Variants in FAR1 observed in about 807,000 individuals in gnomAD.
The protein encoded by FAR1 is fatty acyl-CoA reductase 1.
In FAR1, 22 loss-of-function variants were observed where a neutral mutation model predicts 61.1. The observed-to-expected ratio is 0.36, with a 90% confidence interval of 0.26 to 0.51. The LOEUF (loss-of-function observed/expected upper bound fraction) is 0.51. Ranked by LOEUF, FAR1 falls within the 20% of genes least tolerant of loss-of-function variation. The pLI, the probability that FAR1 is intolerant of heterozygous loss-of-function variation, is 0.95. For missense variants in FAR1, 359 were observed against 626.9 expected, an observed-to-expected ratio of 0.57 and a Z score of 4.56; for synonymous variants, 206 against 209.7, an observed-to-expected ratio of 0.98 and a Z score of 0.15.
At chr11:13,711,704 T>A in intron 5 of FAR1, 60 bp from the exon 6 acceptor site, 2 of 1,286,466 alleles carry the variant, frequency 1.6e-6, no homozygotes, top group Non-Finnish European at 2.2e-6. Flanking sequence ...GTTCAAATAA[T>A]AAATCTCTAG....
rs569026208 is a variant in FAR1, at chr11:13,728,888, A to C, written c.*114A>C. 9.7e-6 allele frequency: 9 copies of C among 931,490 alleles called. No individual in the cohort carries two copies. The South Asian group carries it at 1.6e-4, about 16-fold the overall frequency. 57.7% of individuals were successfully genotyped at this position (931,490 alleles called of 1,614,324 possible). A position where few individuals can be genotyped will look rare whatever the true frequency, so the allele number is the denominator to read the frequency against. ...AAGACATTAAACCATCTTAGATCGG[A>C]GTGTGAAGTAAATTATGGTATATTT... On this transcript the variant is annotated 3_prime_UTR_variant, in exon 12 of 12. Coordinates refer to ENST00000354817, the MANE Select transcript of FAR1 (RefSeq NM_032228.6).
intron 2 of FAR1, among the ~76,000 whole-genome samples, chr11:13,699,554 A>C (rs1404193629): frequency 2.0e-5 from 3 of 152,176 alleles, no homozygotes; most frequent in Non-Finnish European, 2.9e-5. Flanking sequence ...TGGAGAGTCA[A>C]AGTGTGATAG....
chr11:13,708,314 C>T (rs1037640722), intron 4 of FAR1, among the ~76,000 whole-genome samples: 2 of 151,488 alleles, frequency 1.3e-5, no homozygotes, highest in Non-Finnish European at 2.9e-5. Context: ...GCCGAGATGG[C>T]GCCACTGCAC....
chr11:13,722,094 G>A (rs941835105), intron 10 of FAR1, among the ~76,000 whole-genome samples: 1 of 152,112 alleles, frequency 6.6e-6, no homozygotes, highest in Non-Finnish European at 1.5e-5. Context: ...TGATTGAAAT[G>A]TTGATTCTTT....
chr11:13,728,061 G>A (rs577221323), intron 11 of FAR1, among the ~76,000 whole-genome samples: 12 of 151,744 alleles, frequency 7.9e-5, no homozygotes, highest in Admixed American at 3.3e-4. Flanking sequence ...TTACATTGCC[G>A]TCCTATCTTG....
Position 13,728,766 on chromosome 11 carries a change from A to T in FAR1, c.1540A>T (p.Arg514Ter). 1 of 1,610,980 alleles carries T rather than the reference A, an allele frequency of 6.2e-7. No homozygotes were observed. The highest frequency in any genetic ancestry group is 8.5e-7 in the Non-Finnish European group (1 of 1,177,858). The change falls in exon 12 of 12, where the codon AGA becomes TGA. Residue 514 changes from arginine to a stop codon, truncating the protein, a stop_gained. Coordinates refer to ENST00000354817, the MANE Select transcript of FAR1 (RefSeq NM_032228.6). LOFTEE classifies it high-confidence loss of function. Reference sequence around the variant, plus strand: ...ATACTTCCGAGCATCCAGCACTATGAGATACTGAAGACCAAGGATTCAGCA... The same window carrying T: ...ATACTTCCGAGCATCCAGCACTATGTGATACTGAAGACCAAGGATTCAGCA... ...LSYFRASSTMRY is the reference protein window; with the variant it reads ...LSYFRASSTM
chr11:13,715,289 G>C (rs1848543634), intron 9 of FAR1, among the ~76,000 whole-genome samples: 1 of 152,140 alleles, frequency 6.6e-6, no homozygotes, highest in East Asian at 1.9e-4. Context: ...ACATTTCTTA[G>C]AATTTGGAGA....
At chr11:13,709,299 T>G (rs1041342605) in intron 4 of FAR1, among the ~76,000 whole-genome samples, 1 of 152,174 alleles carries the variant, frequency 6.6e-6, no homozygotes, top group African/African-American at 2.4e-5. Flanking sequence ...AATTCCCTAA[T>G]TTCTATTTTC....
chr11:13,721,839 C>T lies in FAR1; in HGVS notation c.1237C>T (p.Leu413=). The T allele has an allele frequency of 1.2e-6, 2 of 1,602,970 alleles. No homozygotes were observed. Among genetic ancestry groups the T allele is most frequent in the Non-Finnish European group, 1.7e-6 (2 of 1,175,762 alleles). ...GAATGTCAATATGTTAATGAATCAA[C>T]TAAACCCTGAAGATAAAAAGGCAAG... is the stretch of plus-strand genomic sequence containing the variant. ...TENVNMLMNQ[L]NPEDKKTFNI... is the part of the protein sequence containing the mutation. Residue 413 remains leucine, a synonymous_variant, in exon 10 of 12, where the codon CTA becomes TTA. Coordinates refer to ENST00000354817, the MANE Select transcript of FAR1 (RefSeq NM_032228.6). The surrounding 1 kb of genome is among the most constrained non-coding windows in gnomAD (Gnocchi z 4.2).
intron 1 of FAR1, among the ~76,000 whole-genome samples, chr11:13,690,129 A>C (rs1352675801): frequency 1.3e-5 from 2 of 152,050 alleles, no homozygotes; most frequent in African/African-American, 4.8e-5. Context: ...TGCCCGCCTC[A>C]GCCTCCCAAA....
rs377740943 is a variant in FAR1, at chr11:13,723,499, T to G, written c.1257+1640T>G. On this transcript the variant is annotated intron_variant, in intron 10 of 11. Transcript: ENST00000354817. ...TATTCCTGGCTCGTCTTCCATTTTC[T>G]CTTTATGTTTGCCGCTTGGCAGTAT... 2.4e-3 allele frequency: 793 copies of G among 336,230 alleles called. 13 individuals carry two copies. The highest frequency in any genetic ancestry group is 8.5e-4 in the Non-Finnish European group (148 of 173,848). The allele number at this position is 336,230 out of a possible 1,614,324, so 20.8% of individuals were successfully genotyped here. A position where few individuals can be genotyped will look rare whatever the true frequency, so the allele number is the denominator to read the frequency against.
intron 8 of FAR1, among the ~76,000 whole-genome samples, chr11:13,714,264 G>C (rs933518450): frequency 6.6e-6 from 1 of 152,098 alleles, no homozygotes; most frequent in African/African-American, 2.4e-5. Context: ...GATTTTAAGA[G>C]TGAATTTTAG....
At chr11:13,672,247 A>G (rs950631504) in intron 1 of FAR1, among the ~76,000 whole-genome samples, 17 of 152,164 alleles carry the variant, frequency 1.1e-4, no homozygotes, top group South Asian at 2.1e-4. Flanking sequence ...TAATGTTTTA[A>G]TCTTTGGCTG....
intron 1 of FAR1, among the ~76,000 whole-genome samples, chr11:13,689,530 A>AT (rs1375229377): frequency 6.6e-6 from 1 of 152,148 alleles, no homozygotes. Context: ...ACCACACTGT[A>AT]TATGTTATAT....
rs904926206 is a variant in FAR1 at position 13,721,380 on chromosome 11, A to T, written c.1128-350A>T. The T allele has an allele frequency of 6.1e-6, 1 of 164,880 alleles. No homozygotes were observed. The highest frequency in any genetic ancestry group is 1.3e-5 in the Non-Finnish European group (1 of 76,802). The allele number at this position is 164,880 out of a possible 1,614,324, so 10.2% of individuals were successfully genotyped here. ...GTAGTTTAAGGAATAGAAAGCAAGG[A>T]AATATTAATTGAATCCATTCATTTG... On this transcript the variant is annotated intron_variant, in intron 9 of 11. Coordinates refer to ENST00000354817, the MANE Select transcript of FAR1 (RefSeq NM_032228.6). The surrounding 1 kb of genome is among the most constrained non-coding windows in gnomAD (Gnocchi z 4.2).
intron 1 of FAR1, among the ~76,000 whole-genome samples, chr11:13,681,529 A>G (rs1018693146): frequency 1.3e-5 from 2 of 152,206 alleles, no homozygotes; most frequent in African/African-American, 4.8e-5. Flanking sequence ...ATTACACTGT[A>G]TGACTTCCAA....
chr11:13,690,975 A>G (rs1046595341), intron 1 of FAR1, among the ~76,000 whole-genome samples: 9 of 152,096 alleles, frequency 5.9e-5, no homozygotes, highest in African/African-American at 2.2e-4. Context: ...ATTTATTGAG[A>G]TGAGATTCAC....
intron 3 of FAR1, among the ~76,000 whole-genome samples, chr11:13,704,613 T>G (rs1392996303): frequency 6.6e-6 from 1 of 152,146 alleles, no homozygotes; most frequent in African/African-American, 2.4e-5. Flanking sequence ...TTTTGCCCCT[T>G]TAGAACCATT....
At chr11:13,694,584 C>T (rs570063373) in intron 1 of FAR1, among the ~76,000 whole-genome samples, 175 bp from the exon 2 acceptor site, 1 of 152,328 alleles carries the variant, frequency 6.6e-6, no homozygotes, top group Admixed American at 6.5e-5. Flanking sequence ...CTATAGTTCT[C>T]ATTCTTCTTT....
Sources: gnomAD v4.1 joint callset for allele counts (sites outside exome capture counted in the v4.1 genomes callset) on GRCh38, gnomAD v4.1.1 for gene constraint, Gnocchi (gnomAD v3.1) non-coding constraint, MANE v1.5 for transcripts, NCBI Gene and HGNC (gene_info 2026-07-23, HGNC 2026-07-21) for gene names.